CDH8: variants seen among roughly 807,000 people sequenced by gnomAD.
CDH8 encodes the protein cadherin 8.
In CDH8, 17 loss-of-function variants were observed where a neutral mutation model predicts 68.1. That is an observed-to-expected ratio of 0.25 (90% CI 0.17 to 0.37). CDH8 has a LOEUF of 0.37. Ranked by LOEUF, CDH8 falls within the 10% of genes least tolerant of loss-of-function variation. CDH8 has a pLI of 1.00. For synonymous variants in CDH8, 372 were observed against 365.1 expected (o/e 1.02, Z -0.21); for missense variants, 763 against 999.3 (o/e 0.76, Z 3.19).
At chr16:61,949,428 T>C (rs530299796) in intron 2 of CDH8, among the ~76,000 whole-genome samples, 11 of 152,184 alleles carry the variant, frequency 7.2e-5, no homozygotes, top group Admixed American at 3.3e-4. Flanking sequence ...GAATAAAAGC[T>C]GGCCACCCCA....
chr16:61,885,325 G>A (rs1963652911), intron 3 of CDH8, among the ~76,000 whole-genome samples: 2 of 152,136 alleles, frequency 1.3e-5, no homozygotes, highest in African/African-American at 4.8e-5. Context: ...TTACTGTATG[G>A]CTATTAAACT....
chr16:61,745,157 AT>A (rs1216746489), intron 8 of CDH8, among the ~76,000 whole-genome samples: 1 of 151,056 alleles, frequency 6.6e-6, no homozygotes, highest in Non-Finnish European at 1.5e-5. Context: ...TTGATATAAT[AT>A]TTTGGCTTGG....
At chr16:61,759,034 G>T (rs1960393987) in intron 8 of CDH8, among the ~76,000 whole-genome samples, 1 of 152,094 alleles carries the variant, frequency 6.6e-6, no homozygotes, top group Admixed American at 6.5e-5. Context: ...TAAGGATAGG[G>T]TATGTCTCAT....
intron 3 of CDH8, among the ~76,000 whole-genome samples, chr16:61,868,171 G>A: frequency 6.6e-6 from 1 of 152,166 alleles, no homozygotes; most frequent in East Asian, 1.9e-4. Flanking sequence ...AAGGACACGA[G>A]AATGCTCCCA....
chr16:62,000,811 G>A lies in CDH8; in HGVS notation c.252+20341C>T, dbSNP rs147350851. On this transcript the variant is annotated intron_variant, in intron 2 of 11. Transcript: ENST00000577390. ...TCATGTAATATCAAATTCAAATTTA[G>A]TGGTGTTTGTAGTAGTATTACTACT... 9.9e-5 allele frequency among the ~76,000 whole-genome samples: 15 copies of A among 152,274 alleles called. No homozygotes were observed. The East Asian group carries it at 2.9e-3, about 29-fold the overall frequency.
chr16:61,879,881 A>G (rs1403737847), intron 3 of CDH8, among the ~76,000 whole-genome samples: 1 of 149,636 alleles, frequency 6.7e-6, no homozygotes, highest in Non-Finnish European at 1.5e-5. Context: ...TGTATGAAGG[A>G]AAATCCAGAA....
chr16:61,678,214 G>A (rs531142281), intron 10 of CDH8, among the ~76,000 whole-genome samples: 1 of 152,110 alleles, frequency 6.6e-6, no homozygotes, highest in South Asian at 2.1e-4. Flanking sequence ...TTTGATTGAA[G>A]TCTCATGTCT....
intron 2 of CDH8, among the ~76,000 whole-genome samples, chr16:61,948,498 A>G (rs922912763): frequency 6.6e-6 from 1 of 152,210 alleles, no homozygotes; most frequent in Non-Finnish European, 1.5e-5. Flanking sequence ...TTCATAGGCA[A>G]TGTGCATCTC....
chr16:61,665,636 G>T (rs1017713473), intron 10 of CDH8, among the ~76,000 whole-genome samples: 2 of 151,676 alleles, frequency 1.3e-5, no homozygotes, highest in Non-Finnish European at 2.9e-5. Context: ...AAACCTGAAC[G>T]TTCTTCACAT....
At chr16:61,823,330 T>TA (rs1423376566) in intron 5 of CDH8, among the ~76,000 whole-genome samples, 1 of 151,826 alleles carries the variant, frequency 6.6e-6, no homozygotes, top group African/African-American at 2.4e-5. Flanking sequence ...TTTAACTCTT[T>TA]AAAAAACAGA....
At chr16:61,679,963 T>G (rs922113147) in intron 10 of CDH8, among the ~76,000 whole-genome samples, 1 of 152,030 alleles carries the variant, frequency 6.6e-6, no homozygotes, top group Non-Finnish European at 1.5e-5. Flanking sequence ...ATTCATTCAA[T>G]TTTTGAATTT....
At position 62,008,836 on chromosome 16, in the gene CDH8, C is replaced by T. The variant is rs566750340; in HGVS notation, c.252+12316G>A. Among the ~76,000 whole-genome samples the T allele has an allele frequency of 4.6e-5, 7 of 152,168 alleles. No individual in the cohort carries two copies. In the South Asian group the frequency reaches 1.5e-3, roughly 32 times the overall value. ...GCAAACATCTAATGATTTCTGAAAA[C>T]ATCTCGAAAAGCTGATTATAAATGT... On this transcript the variant is annotated intron_variant, in intron 2 of 11. Coordinates refer to ENST00000577390, the MANE Select transcript of CDH8 (RefSeq NM_001796.5).
intron 8 of CDH8, among the ~76,000 whole-genome samples, chr16:61,768,993 T>C (rs1567461740): frequency 1.3e-5 from 2 of 151,768 alleles, no homozygotes; most frequent in Non-Finnish European, 2.9e-5. Flanking sequence ...TATTGGGTTG[T>C]ACTTCTCAAT....
rs546611400 is a variant in CDH8, at chr16:62,017,945, C to T, written c.252+3207G>A. On this transcript the variant is annotated intron_variant, in intron 2 of 11. Coordinates refer to ENST00000577390, the MANE Select transcript of CDH8 (RefSeq NM_001796.5). Reference sequence around the variant, plus strand: ...GGGCTCCCAGAGTCTTGTTATTCACCTAGTGAGGTAATTGTTAATTTGTCT... The same window carrying T: ...GGGCTCCCAGAGTCTTGTTATTCACTTAGTGAGGTAATTGTTAATTTGTCT... 2.6e-5 allele frequency among the ~76,000 whole-genome samples: 4 copies of T among 152,174 alleles called. No individual in the cohort carries two copies. The South Asian group carries it at 8.3e-4, about 32-fold the overall frequency.
chr16:61,689,479 T>A (rs1324576810), intron 10 of CDH8, among the ~76,000 whole-genome samples: 1 of 152,004 alleles, frequency 6.6e-6, no homozygotes, highest in Non-Finnish European at 1.5e-5. Flanking sequence ...ACATACAGAC[T>A]GTGAATACTA....
chr16:61,823,946 C>A (rs1252594190), intron 5 of CDH8, among the ~76,000 whole-genome samples: 1 of 151,848 alleles, frequency 6.6e-6, no homozygotes, highest in Non-Finnish European at 1.5e-5. Flanking sequence ...ATAAAAGAAA[C>A]CACTGCCTTG....
chr16:61,887,399 A>G (rs1483931799), intron 3 of CDH8, among the ~76,000 whole-genome samples: 1 of 152,198 alleles, frequency 6.6e-6, no homozygotes, highest in African/African-American at 2.4e-5. Context: ...TGGCTTAAAC[A>G]GCAGAAATTT....
chr16:61,724,793 T>C (rs1334529719), intron 9 of CDH8, among the ~76,000 whole-genome samples: 2 of 150,962 alleles, frequency 1.3e-5, no homozygotes, highest in Non-Finnish European at 3.0e-5. Flanking sequence ...TGTGGTATTA[T>C]GAGAGACGAT....
At chr16:61,930,913 T>G (rs541948002) in intron 2 of CDH8, among the ~76,000 whole-genome samples, 5 of 152,322 alleles carry the variant, frequency 3.3e-5, no homozygotes, top group Non-Finnish European at 5.9e-5. Context: ...GTAGCTTGAA[T>G]AGCCCAAGAG....
Sources: gnomAD v4.1 joint callset for allele counts (sites outside exome capture counted in the v4.1 genomes callset) on GRCh38, gnomAD v4.1.1 for gene constraint, MANE v1.5 for transcripts, NCBI Gene and HGNC (gene_info 2026-07-23, HGNC 2026-07-21) for gene names.